SEMA3E: variants seen among roughly 807,000 people sequenced by gnomAD.
SEMA3E encodes semaphorin-3E.
Under a neutral mutation model 93.6 loss-of-function variants are expected in SEMA3E, and 49 were observed. That is an observed-to-expected ratio of 0.52 (90% CI 0.42 to 0.66). The LOEUF (loss-of-function observed/expected upper bound fraction) is 0.66. Among genes scored for constraint, SEMA3E ranks in the 30% least tolerant of loss-of-function variants. The probability of loss-of-function intolerance (pLI) is 0.00; values close to 1 mark genes in which losing one functional copy is unlikely to be tolerated. For synonymous variants in SEMA3E, 363 were observed against 330.7 expected (o/e 1.10, Z -1.06); for missense variants, 906 against 964.8 (o/e 0.94, Z 0.81).
intron 1 of SEMA3E, among the ~76,000 whole-genome samples, chr7:83,635,144 A>G (rs1208831564): frequency 3.3e-5 from 5 of 152,046 alleles, no homozygotes; most frequent in Non-Finnish European, 5.9e-5. Flanking sequence ...GACAATGTCA[A>G]GCTTAAAATT....
chr7:83,379,780 T>A (rs1381552056), intron 16 of SEMA3E, among the ~76,000 whole-genome samples: 1 of 151,884 alleles, frequency 6.6e-6, no homozygotes, highest in Admixed American at 6.6e-5. Flanking sequence ...ATTTTTTAAA[T>A]CTGTAAAGTA....
chr7:83,610,865 T>C (rs1793237705), intron 1 of SEMA3E, among the ~76,000 whole-genome samples: 1 of 151,872 alleles, frequency 6.6e-6, no homozygotes, highest in African/African-American at 2.4e-5. Context: ...TGTGAGAAAA[T>C]CAAATTCAGT....
intron 2 of SEMA3E, among the ~76,000 whole-genome samples, chr7:83,480,777 T>C (rs77774704): frequency 0.017 from 2,547 of 152,244 alleles, 70 homozygotes; most frequent in African/African-American, 0.058. Flanking sequence ...CTATGCATTA[T>C]GTAGAAATAA....
In SEMA3E at chr7:83,363,418, G is replaced by C. The variant is rs574624025; in HGVS notation, c.*4168C>G. ...TCTCATGGCTTAGAATCAGTGAAAA[G>C]AAAGAATATGGCACACACTGTTATG... On this transcript the variant is annotated 3_prime_UTR_variant, in exon 17 of 17. Transcript: ENST00000643230. 1 of 152,186 alleles carries C rather than the reference G, an allele frequency of 6.6e-6. No individual in the cohort carries two copies. The highest frequency in any genetic ancestry group is 6.5e-5 in the Admixed American group (1 of 15,270). The allele number at this position is 152,186 out of a possible 1,614,324, so 9.4% of individuals were successfully genotyped here.
chr7:83,539,539 C>A (rs926868415), intron 1 of SEMA3E, among the ~76,000 whole-genome samples: 3 of 152,104 alleles, frequency 2.0e-5, no homozygotes, highest in Admixed American at 2.0e-4. Flanking sequence ...TGGCTCTAAG[C>A]CTCCTTTATT....
intron 8 of SEMA3E, 25 bp downstream of exon 8, chr7:83,405,920 A>G: frequency 1.9e-6 from 3 of 1,541,374 alleles, no homozygotes; most frequent in Non-Finnish European, 2.7e-6. Flanking sequence ...AAAAGAGCAA[A>G]TTTAATTCAC....
At chr7:83,571,949 A>G (rs1358540167) in intron 1 of SEMA3E, among the ~76,000 whole-genome samples, 2 of 152,204 alleles carry the variant, frequency 1.3e-5, no homozygotes, top group South Asian at 2.1e-4. Context: ...ATGAGAGCCA[A>G]TCAAGAACAC....
chr7:83,630,941 A>G (rs1793774422), intron 1 of SEMA3E, among the ~76,000 whole-genome samples: 2 of 152,334 alleles, frequency 1.3e-5, no homozygotes, highest in Non-Finnish European at 2.9e-5. Flanking sequence ...CATTTGACTT[A>G]CAAGGAGTTA....
At chr7:83,558,693 C>T (rs977061927) in intron 1 of SEMA3E, among the ~76,000 whole-genome samples, 3 of 151,872 alleles carry the variant, frequency 2.0e-5, no homozygotes, top group African/African-American at 7.3e-5. Context: ...AGCAATGCTA[C>T]AATGACAAAC....
At chr7:83,464,320 C>A (rs1481052967) in intron 4 of SEMA3E, among the ~76,000 whole-genome samples, 1 of 151,646 alleles carries the variant, frequency 6.6e-6, no homozygotes, top group Non-Finnish European at 1.5e-5. Flanking sequence ...TGTATAGACG[C>A]TCCTTTTTAT....
At chr7:83,368,168 A>G (rs955538056) in intron 16 of SEMA3E, 130 bp from the exon 17 acceptor site, 6 of 758,790 alleles carry the variant, frequency 7.9e-6, no homozygotes, top group Admixed American at 2.1e-5. Context: ...AAAATCATAC[A>G]TACACAAAAA....
At chr7:83,469,391 A>C in intron 2 of SEMA3E, 89 bp from the exon 3 acceptor site, 3 of 758,048 alleles carry the variant, frequency 4.0e-6, no homozygotes, top group Non-Finnish European at 6.3e-6. Context: ...ACAGTTCAAA[A>C]CATTTCCTTT....
intron 11 of SEMA3E, among the ~76,000 whole-genome samples, chr7:83,398,919 G>A (rs1788181581): frequency 6.6e-6 from 1 of 152,042 alleles, no homozygotes; most frequent in African/African-American, 2.4e-5. Flanking sequence ...ACTCCAGCCT[G>A]GGCAACAGAG....
At position 83,487,593 on chromosome 7, in the gene SEMA3E, G is replaced by A. The variant is rs1465752576; in HGVS notation, c.276+2521C>T. Among the ~76,000 whole-genome samples, 6 of 151,912 alleles carry A rather than the reference G, an allele frequency of 3.9e-5. No individual in the cohort carries two copies. The East Asian group carries it at 1.2e-3, about 29-fold the overall frequency. On this transcript the variant is annotated intron_variant, in intron 2 of 16. Transcript: ENST00000643230. Reference sequence around the variant, plus strand: ...AAAAGAGAGAGAAGAAAAAGAAAGAGATAGTGGCAAAGCCAGTTAGGATTG... The same window carrying A: ...AAAAGAGAGAGAAGAAAAAGAAAGAAATAGTGGCAAAGCCAGTTAGGATTG...
chr7:83,465,020 T>TAA (rs1554329062), intron 4 of SEMA3E, among the ~76,000 whole-genome samples: 3 of 151,586 alleles, frequency 2.0e-5, no homozygotes, highest in African/African-American at 7.3e-5. Context: ...AACTGAAGAA[T>TAA]CAAAAGAAGT....
Position 83,588,659 on chromosome 7 carries a change from AC to A in SEMA3E, c.115+59768del, listed in dbSNP as rs1375640402. On this transcript the variant is annotated intron_variant, in intron 1 of 16. Transcript: ENST00000643230. ...AATAGCTTAAAATTTAAGTGTTTGA[AC>A]CTTTTTCCTCTATCCTACTCACCTT... Among the ~76,000 whole-genome samples, 10 of 152,290 alleles carry A rather than the reference AC, an allele frequency of 6.6e-5. No homozygotes were observed. In the East Asian group the frequency reaches 1.7e-3, roughly 26 times the overall value.
intron 1 of SEMA3E, among the ~76,000 whole-genome samples, chr7:83,644,355 C>A (rs1199990476): frequency 1.3e-5 from 2 of 151,890 alleles, no homozygotes; most frequent in Non-Finnish European, 2.9e-5. Flanking sequence ...GATTTAAGAG[C>A]AACTTTATCC....
intron 2 of SEMA3E, among the ~76,000 whole-genome samples, chr7:83,475,979 T>G (rs1790000837): frequency 6.6e-6 from 1 of 152,182 alleles, no homozygotes; most frequent in South Asian, 2.1e-4. Context: ...TATTTCTCAC[T>G]CCTTTGATCC....
At chr7:83,388,083 G>A (rs1380773794) in intron 14 of SEMA3E, among the ~76,000 whole-genome samples, 1 of 148,412 alleles carries the variant, frequency 6.7e-6, no homozygotes, top group Non-Finnish European at 1.5e-5. Flanking sequence ...GGCCAAGACG[G>A]GTGGATCATG....
Sources: gnomAD v4.1 joint callset for allele counts (sites outside exome capture counted in the v4.1 genomes callset) on GRCh38, gnomAD v4.1.1 for gene constraint, MANE v1.5 for transcripts, NCBI Gene and HGNC (gene_info 2026-07-23, HGNC 2026-07-21) for gene names.